TOMM20L: variants seen among roughly 807,000 people sequenced by gnomAD.
The protein encoded by TOMM20L is translocase of outer mitochondrial membrane 20 like.
Under a neutral mutation model 20.4 loss-of-function variants are expected in TOMM20L, and 19 were observed. The observed-to-expected ratio is 0.93, with a 90% CI of 0.65 to 1.36. TOMM20L has a LOEUF of 1.36. Ranked by LOEUF, TOMM20L falls within the 40% of genes most tolerant of loss-of-function variation. The pLI, the probability that TOMM20L is intolerant of heterozygous loss-of-function variation, is 0.00. For synonymous variants in TOMM20L, 75 were observed against 79.6 expected (o/e 0.94, Z 0.30); for missense variants, 218 against 203.7 (o/e 1.07, Z -0.43).
chr14:58,402,826 G>C, intron 3 of TOMM20L, 65 bp downstream of exon 3: 1 of 1,217,780 alleles, frequency 8.2e-7, no homozygotes, highest in South Asian at 1.3e-5. Context: ...TTATTGATTA[G>C]TATTTGTATG....
chr14:58,396,376 A>C, intron 2 of TOMM20L, 35 bp downstream of exon 2: 1 of 1,612,066 alleles, frequency 6.2e-7, no homozygotes, highest in Non-Finnish European at 8.5e-7. Context: ...GTAGCTCAGT[A>C]GACGCAGGTC....
At chr14:58,405,837 C>T (rs377731124) in intron 3 of TOMM20L, among the ~76,000 whole-genome samples, 1 of 152,214 alleles carries the variant, frequency 6.6e-6, no homozygotes, top group African/African-American at 2.4e-5. Context: ...TTTATACTTC[C>T]ATATTTTACT....
chr14:58,409,236 T>C, downstream of TOMM20L: 1 of 1,563,948 alleles, frequency 6.4e-7, no homozygotes, highest in Non-Finnish European at 8.7e-7. Flanking sequence ...GCATGTATTC[T>C]AAAAGAATCA....
intron 2 of TOMM20L, among the ~76,000 whole-genome samples, chr14:58,401,884 G>A (rs150540786): frequency 1.7e-3 from 257 of 152,268 alleles, no homozygotes; most frequent in Non-Finnish European, 3.3e-3. Context: ...CCTTTTGAGG[G>A]TGTGAGTACA....
At chr14:58,396,137 G>T (rs769017315) in intron 1 of TOMM20L, 44 bp downstream of exon 1, 3 of 1,276,794 alleles carry the variant, frequency 2.3e-6, no homozygotes, top group African/African-American at 1.6e-5. Flanking sequence ...CGGGCAGCGC[G>T]GGCGGGCTGC....
chr14:58,395,943 G>C lies in TOMM20L; in HGVS notation c.-15G>C. 1 of 1,372,164 alleles carries C rather than the reference G, an allele frequency of 7.3e-7. No homozygotes were observed. The highest frequency in any genetic ancestry group is 3.0e-5 in the East Asian group (1 of 33,616). 85.0% of individuals were successfully genotyped at this position (1,372,164 alleles called of 1,614,324 possible). On this transcript the variant is annotated 5_prime_UTR_variant, in exon 1 of 5. Transcript: ENST00000360945. ...CCCGCGCCCAACGCTCGGCTTGTGGGACGCCCGCGGTCGGATGCCCTCCGT... is the reference window on the plus strand; with the variant it reads ...CCCGCGCCCAACGCTCGGCTTGTGGCACGCCCGCGGTCGGATGCCCTCCGT...
intron 1 of TOMM20L, 59 bp downstream of exon 1, chr14:58,396,152 C>T: frequency 2.3e-6 from 3 of 1,280,788 alleles, no homozygotes; most frequent in Non-Finnish European, 2.0e-6. Context: ...GGCTGCCGGC[C>T]GGGAGGGCCC....
the TOMM20L span, among the ~76,000 whole-genome samples, chr14:58,414,682 A>T: frequency 6.9e-6 from 1 of 144,318 alleles, no homozygotes; most frequent in Non-Finnish European, 1.5e-5. Flanking sequence ...GGTTGCAGTG[A>T]GCCGAGATTG....
downstream of TOMM20L, among the ~76,000 whole-genome samples, chr14:58,409,500 C>T (rs1158060962): frequency 6.6e-6 from 1 of 152,142 alleles, no homozygotes; most frequent in Non-Finnish European, 1.5e-5. Flanking sequence ...AAAATGTAGA[C>T]CCAGTAGTAA....
downstream of TOMM20L, chr14:58,411,835 C>A (rs1325540139): frequency 2.1e-6 from 3 of 1,426,128 alleles, no homozygotes; most frequent in Non-Finnish European, 2.0e-6. Context: ...CTGCACCCAG[C>A]CTGACATGGT....
chr14:58,414,794 T>TA, the TOMM20L span, among the ~76,000 whole-genome samples: 1 of 151,156 alleles, frequency 6.6e-6, no homozygotes, highest in African/African-American at 2.4e-5. Flanking sequence ...TACTGACATT[T>TA]AAAAAAATGT....
At chr14:58,397,512 A>C (rs1037515769) in intron 2 of TOMM20L, among the ~76,000 whole-genome samples, 4 of 152,186 alleles carry the variant, frequency 2.6e-5, no homozygotes, top group African/African-American at 9.7e-5. Flanking sequence ...TCCGGAGAAG[A>C]CTTTGTAGCG....
chr14:58,414,784 T>G, the TOMM20L span, among the ~76,000 whole-genome samples: 2 of 150,176 alleles, frequency 1.3e-5, no homozygotes, highest in South Asian at 4.2e-4. Flanking sequence ...TCACAATAAC[T>G]ACTGACATTT....
chr14:58,410,939 C>A (rs1464448241), downstream of TOMM20L: 1 of 1,607,578 alleles, frequency 6.2e-7, no homozygotes, highest in Non-Finnish European at 8.5e-7. Context: ...ATTCCTTAAA[C>A]TACAAACAAA....
intron 3 of TOMM20L, among the ~76,000 whole-genome samples, chr14:58,403,145 C>A (rs1399905651): frequency 1.3e-5 from 2 of 152,082 alleles, no homozygotes; most frequent in African/African-American, 4.8e-5. Flanking sequence ...TTGCTTGAGG[C>A]CAACAGTTTG....
chr14:58,413,763 T>C, the TOMM20L span, among the ~76,000 whole-genome samples: 1 of 151,736 alleles, frequency 6.6e-6, no homozygotes, highest in Admixed American at 6.6e-5. Context: ...ATCCCAGCAC[T>C]TTGGGAGGCT....
intron 2 of TOMM20L, among the ~76,000 whole-genome samples, chr14:58,400,196 A>G (rs978260412): frequency 6.6e-6 from 1 of 151,814 alleles, no homozygotes; most frequent in Non-Finnish European, 1.5e-5. Context: ...ACCTGAGGTC[A>G]GGAGTTCAAG....
chr14:58,396,164 C>G, intron 1 of TOMM20L, 71 bp downstream of exon 1: 1 of 1,328,242 alleles, frequency 7.5e-7, no homozygotes, highest in Non-Finnish European at 9.7e-7. Context: ...GGAGGGCCCC[C>G]CACTGAGAGG....
At chr14:58,408,497 A>G (rs1226217805) in intron 4 of TOMM20L, 32 bp from the exon 5 acceptor site, 3 of 1,599,422 alleles carry the variant, frequency 1.9e-6, no homozygotes, top group South Asian at 2.2e-5. Context: ...CATTGAAATG[A>G]TTAGCAAGTA....
Sources: allele counts gnomAD v4.1 joint callset (sites outside exome capture counted in the v4.1 genomes callset), GRCh38; gene constraint gnomAD v4.1.1; transcripts MANE v1.5; gene names NCBI Gene and HGNC (gene_info 2026-07-23, HGNC 2026-07-21).